Variants in B3GALT1 observed in about 807,000 individuals in gnomAD.
The protein encoded by B3GALT1 is UDP-Gal:betaGlcNAc beta 1,3-galactosyltransferase, polypeptide 1.
B3GALT1 carries 10 observed loss-of-function variants against 23.2 expected under a neutral mutation model. That is an observed-to-expected ratio of 0.43 (90% CI 0.27 to 0.73). B3GALT1 has a LOEUF of 0.73. B3GALT1 is among the 30% of genes least tolerant of loss of function. The pLI is 0.21. For missense variants in B3GALT1, 299 were observed against 405.4 expected (o/e 0.74, Z 2.25); for synonymous variants, 156 against 141.5 (o/e 1.10, Z -0.73).
chr2:167,368,722 T>C (rs937858379), intron 1 of B3GALT1, among the ~76,000 whole-genome samples: 2 of 152,190 alleles, frequency 1.3e-5, no homozygotes, highest in Admixed American at 1.3e-4. Context: ...CACAGTGATG[T>C]CTCTAACTTT....
intron 2 of B3GALT1, among the ~76,000 whole-genome samples, chr2:167,571,595 GT>G (rs954176413): frequency 1.1e-4 from 16 of 151,872 alleles, no homozygotes; most frequent in African/African-American, 3.6e-4. Context: ...AAACACATGG[GT>G]TCTGATCAGT....
chr2:167,871,332 A>G lies in B3GALT1; in HGVS notation c.*1312A>G, dbSNP rs1690342512. ...AGCTTAAAAGGTGCTACGTAATGCA[A>G]TGTATCATGTATTATGCTAAATGCT... On this transcript the variant is annotated 3_prime_UTR_variant, in exon 5 of 5. Transcript: ENST00000392690. 1 of 152,234 alleles carries G rather than the reference A, an allele frequency of 6.6e-6. No individual in the cohort carries two copies. The highest frequency in any genetic ancestry group is 2.4e-5 in the African/African-American group (1 of 41,460). 9.4% of individuals were successfully genotyped at this position (152,234 alleles called of 1,614,324 possible).
intron 1 of B3GALT1, among the ~76,000 whole-genome samples, chr2:167,465,435 C>T (rs1415961059): frequency 6.6e-6 from 1 of 152,170 alleles, no homozygotes; most frequent in Admixed American, 6.5e-5. Context: ...GATCAAGTCT[C>T]CAGCAGATTC....
At chr2:167,761,297 T>C (rs976644386) in intron 3 of B3GALT1, among the ~76,000 whole-genome samples, 1 of 152,200 alleles carries the variant, frequency 6.6e-6, no homozygotes, top group African/African-American at 2.4e-5. Context: ...AGAACATTGC[T>C]GCAGTTGCCA....
intron 1 of B3GALT1, among the ~76,000 whole-genome samples, chr2:167,368,046 C>T (rs1697618351): frequency 6.6e-6 from 1 of 152,118 alleles, no homozygotes; most frequent in South Asian, 2.1e-4. Flanking sequence ...AGCAGCCAGG[C>T]TAAAAAGCAA....
intron 3 of B3GALT1, among the ~76,000 whole-genome samples, chr2:167,749,904 T>C (rs1261913646): frequency 6.6e-6 from 1 of 152,250 alleles, no homozygotes; most frequent in Non-Finnish European, 1.5e-5. Flanking sequence ...TATTTACACC[T>C]ATTTGCATTT....
chr2:167,527,745 G>A lies in B3GALT1; in HGVS notation c.-410+37468G>A, dbSNP rs576112606. On this transcript the variant is annotated intron_variant, in intron 2 of 4. Transcript: ENST00000392690. ...CTTATACAATCCCTCTAAACCTTGTGCTTTTCCTCTCTAAAAGTTGAAGAA... is the reference window on the plus strand; with the variant it reads ...CTTATACAATCCCTCTAAACCTTGTACTTTTCCTCTCTAAAAGTTGAAGAA... Among the ~76,000 whole-genome samples the A allele has an allele frequency of 3.9e-5, 6 of 152,168 alleles. No individual in the cohort carries two copies. In the South Asian group the frequency reaches 1.2e-3, roughly 32 times the overall value.
rs561722943 is a variant in B3GALT1, at chr2:167,696,682, T to C, written c.-352+49716T>C. Among the ~76,000 whole-genome samples the C allele has an allele frequency of 3.3e-5, 5 of 152,296 alleles. No individual in the cohort carries two copies. The East Asian group carries it at 7.7e-4, about 23-fold the overall frequency. On this transcript the variant is annotated intron_variant, in intron 3 of 4. Transcript: ENST00000392690. ...CAAATTATATCCGAACAGAAGTTAA[T>C]GTAGGACAACCTCAAGCTGGGAATC...
At chr2:167,296,354 C>A (rs765429967) in intron 1 of B3GALT1, among the ~76,000 whole-genome samples, 1 of 152,112 alleles carries the variant, frequency 6.6e-6, no homozygotes, top group Non-Finnish European at 1.5e-5. Flanking sequence ...AGGTTTATAG[C>A]GATTTGTTTT....
At chr2:167,620,338 T>G (rs1685234052) in intron 2 of B3GALT1, among the ~76,000 whole-genome samples, 1 of 152,042 alleles carries the variant, frequency 6.6e-6, no homozygotes, top group Non-Finnish European at 1.5e-5. Context: ...ACCCATAGTA[T>G]ACAAGAGAAA....
At chr2:167,736,857 C>T (rs941919573) in intron 3 of B3GALT1, among the ~76,000 whole-genome samples, 2 of 152,152 alleles carry the variant, frequency 1.3e-5, no homozygotes, top group African/African-American at 4.8e-5. Flanking sequence ...TCACTTGAAC[C>T]TGGGAGGCGG....
chr2:167,666,717 T>G (rs567589150), intron 3 of B3GALT1, among the ~76,000 whole-genome samples: 76 of 152,278 alleles, frequency 5.0e-4, no homozygotes, highest in African/African-American at 1.7e-3. Context: ...GCCTTCTTTG[T>G]CTCTTTTTAT....
intron 1 of B3GALT1, among the ~76,000 whole-genome samples, chr2:167,358,257 A>G (rs1442577679): frequency 6.6e-6 from 1 of 152,198 alleles, no homozygotes; most frequent in Non-Finnish European, 1.5e-5. Context: ...AGGTAGAAGC[A>G]TGTATGAGGA....
intron 2 of B3GALT1, among the ~76,000 whole-genome samples, chr2:167,535,577 A>G (rs1017694885): frequency 6.6e-6 from 1 of 151,960 alleles, no homozygotes; most frequent in Non-Finnish European, 1.5e-5. Flanking sequence ...GAAGAAGACA[A>G]AAAGAAAAAA....
intron 2 of B3GALT1, among the ~76,000 whole-genome samples, chr2:167,635,201 CA>C (rs1558931971): frequency 6.6e-6 from 1 of 152,148 alleles, no homozygotes; most frequent in African/African-American, 2.4e-5. Flanking sequence ...GAACGTATCT[CA>C]AAAAATAAGA....
chr2:167,421,213 A>G (rs1357601), intron 1 of B3GALT1, among the ~76,000 whole-genome samples: 140,658 of 152,284 alleles, frequency 0.92, 65,621 homozygotes, highest in Non-Finnish European at 0.99. Flanking sequence ...TTAAACTTAG[A>G]TAAAATTAGG....
In B3GALT1 at chr2:167,513,975, C is replaced by T. The variant is rs561153791; in HGVS notation, c.-410+23698C>T. Among the ~76,000 whole-genome samples, 10 of 152,242 alleles carry T rather than the reference C, an allele frequency of 6.6e-5. No individual in the cohort carries two copies. In the East Asian group the frequency reaches 9.7e-4, roughly 15 times the overall value. On this transcript the variant is annotated intron_variant, in intron 2 of 4. Coordinates refer to ENST00000392690, the MANE Select transcript of B3GALT1 (RefSeq NM_020981.4). Reference sequence around the variant, plus strand: ...AGGCTGGAGGGCAGTGGTGCAGTATCGGCTCACTGCAAGCTCCGCCTCCCG... The same window carrying T: ...AGGCTGGAGGGCAGTGGTGCAGTATTGGCTCACTGCAAGCTCCGCCTCCCG...
At chr2:167,423,859 T>C (rs1698585194) in intron 1 of B3GALT1, among the ~76,000 whole-genome samples, 1 of 152,192 alleles carries the variant, frequency 6.6e-6, no homozygotes, top group African/African-American at 2.4e-5. Flanking sequence ...TTTCTCTTTT[T>C]ATCTCTCTAT....
intron 4 of B3GALT1, among the ~76,000 whole-genome samples, chr2:167,837,777 G>A (rs1330570024): frequency 6.7e-6 from 1 of 149,344 alleles, no homozygotes; most frequent in Admixed American, 6.7e-5. Context: ...ATAGTTGGAA[G>A]TAAAGCTCTC....
Sources: gnomAD v4.1 joint callset for allele counts (sites outside exome capture counted in the v4.1 genomes callset) on GRCh38, gnomAD v4.1.1 for gene constraint, MANE v1.5 for transcripts, NCBI Gene and HGNC (gene_info 2026-07-23, HGNC 2026-07-21) for gene names.